SMAP1: variants seen among roughly 807,000 people sequenced by gnomAD.
The protein encoded by SMAP1 is stromal membrane-associated protein 1.
SMAP1 carries 24 observed loss-of-function variants against 58.5 expected under a neutral mutation model. That is an observed-to-expected ratio of 0.41 (90% CI 0.30 to 0.58). The LOEUF (loss-of-function observed/expected upper bound fraction) is 0.58, where lower values mean the gene tolerates loss of function less well. Among genes scored for constraint, SMAP1 ranks in the 20% least tolerant of loss-of-function variants. The probability of loss-of-function intolerance (pLI) is 0.29; values close to 1 mark genes in which losing one functional copy is unlikely to be tolerated. For missense variants in SMAP1, 563 were observed against 566.3 expected, an observed-to-expected ratio of 0.99 and a Z score of 0.06; for synonymous variants, 216 against 196.6, an observed-to-expected ratio of 1.10 and a Z score of -0.82.
At chr6:70,688,797 A>G (rs1277198546) in intron 1 of SMAP1, among the ~76,000 whole-genome samples, 2 of 112,290 alleles carry the variant, frequency 1.8e-5, no homozygotes, top group African/African-American at 6.7e-5. Context: ...GGTTCAATTT[A>G]TTAATTTTTT....
At chr6:70,776,448 G>A (rs1477186525) in intron 4 of SMAP1, among the ~76,000 whole-genome samples, 1 of 152,086 alleles carries the variant, frequency 6.6e-6, no homozygotes, top group South Asian at 2.1e-4. Flanking sequence ...CAAAGTGCTG[G>A]GATTACCGGT....
chr6:70,829,798 C>T (rs1195957174), intron 6 of SMAP1, among the ~76,000 whole-genome samples: 2 of 152,114 alleles, frequency 1.3e-5, no homozygotes, highest in Non-Finnish European at 2.9e-5. Context: ...AATTGTATAG[C>T]TTTCCTATTG....
At chr6:70,752,557 T>C (rs1171903550) in intron 2 of SMAP1, among the ~76,000 whole-genome samples, 1 of 152,172 alleles carries the variant, frequency 6.6e-6, no homozygotes, top group African/African-American at 2.4e-5. Flanking sequence ...TTTTATTATT[T>C]TTTTCCTGCT....
At position 70,676,979 on chromosome 6, in the gene SMAP1, G is replaced by T. The variant is rs867343935; in HGVS notation, c.118+8838G>T. Among the ~76,000 whole-genome samples the T allele has an allele frequency of 2.6e-5, 4 of 151,912 alleles. No homozygotes were observed. In the South Asian group the frequency reaches 8.3e-4, roughly 32 times the overall value. ...AAAAATTTTTTTGTTGGGTGTGGTG[G>T]GGAGGGGCCTTGCTATGTTGTTTGG... On this transcript the variant is annotated intron_variant, in intron 1 of 10. Transcript: ENST00000370455.
intron 1 of SMAP1, among the ~76,000 whole-genome samples, chr6:70,711,344 G>C (rs922829003): frequency 6.6e-6 from 1 of 152,048 alleles, no homozygotes; most frequent in Non-Finnish European, 1.5e-5. Context: ...TAATCTCATG[G>C]AACTGTTACT....
chr6:70,808,581 T>C (rs193253602), intron 6 of SMAP1, among the ~76,000 whole-genome samples: 10 of 152,314 alleles, frequency 6.6e-5, no homozygotes, highest in African/African-American at 2.4e-4. Context: ...CTTTTCTTTC[T>C]TTATTAAGTG....
At chr6:70,692,786 T>C (rs1767227793) in intron 1 of SMAP1, among the ~76,000 whole-genome samples, 1 of 152,130 alleles carries the variant, frequency 6.6e-6, no homozygotes, top group African/African-American at 2.4e-5. Context: ...TGTGTCTATT[T>C]TTTGTTGTTG....
At chr6:70,818,710 T>C (rs1769751839) in intron 6 of SMAP1, among the ~76,000 whole-genome samples, 1 of 152,036 alleles carries the variant, frequency 6.6e-6, no homozygotes, top group Non-Finnish European at 1.5e-5. Flanking sequence ...CCCTGTAGAG[T>C]GTTGGCATTC....
At chr6:70,765,002 A>C (rs1331631273) in intron 3 of SMAP1, among the ~76,000 whole-genome samples, 3 of 152,114 alleles carry the variant, frequency 2.0e-5, no homozygotes, top group Non-Finnish European at 2.9e-5. Context: ...GAATTTTGCC[A>C]TGTTGCCAGG....
intron 4 of SMAP1, among the ~76,000 whole-genome samples, chr6:70,790,523 A>G (rs1418620609): frequency 1.3e-5 from 2 of 152,106 alleles, no homozygotes; most frequent in African/African-American, 4.8e-5. Flanking sequence ...TTTTTATGGA[A>G]GATCTACATT....
At chr6:70,750,519 G>A (rs570908617) in intron 2 of SMAP1, among the ~76,000 whole-genome samples, 21 of 152,282 alleles carry the variant, frequency 1.4e-4, no homozygotes, top group African/African-American at 5.1e-4. Context: ...CTGTGATTGG[G>A]TAAAATGTTT....
intron 6 of SMAP1, among the ~76,000 whole-genome samples, chr6:70,811,762 C>T (rs139968277): frequency 1.3e-5 from 2 of 152,150 alleles, no homozygotes; most frequent in African/African-American, 4.8e-5. Context: ...AGTACCCTGT[C>T]ATGGCAAATT....
At chr6:70,781,092 A>T (rs1767744211) in intron 4 of SMAP1, among the ~76,000 whole-genome samples, 1 of 152,210 alleles carries the variant, frequency 6.6e-6, no homozygotes, top group African/African-American at 2.4e-5. Flanking sequence ...TCTTGGCTTG[A>T]GTTCTGTTTC....
At chr6:70,807,965 A>G (rs1290738625) in intron 6 of SMAP1, among the ~76,000 whole-genome samples, 1 of 151,030 alleles carries the variant, frequency 6.6e-6, no homozygotes, top group Non-Finnish European at 1.5e-5. Context: ...TATTAGATAT[A>G]TTCTTAATTA....
chr6:70,731,394 A>G (rs959107481), intron 1 of SMAP1, among the ~76,000 whole-genome samples: 1 of 152,204 alleles, frequency 6.6e-6, no homozygotes, highest in Non-Finnish European at 1.5e-5. Context: ...CTTTTTGACC[A>G]TGAACTGAAG....
At chr6:70,696,041 A>C (rs1414772309) in intron 1 of SMAP1, among the ~76,000 whole-genome samples, 1 of 152,136 alleles carries the variant, frequency 6.6e-6, no homozygotes. Flanking sequence ...CATTTCGTCT[A>C]GCTTTTCCAA....
intron 6 of SMAP1, among the ~76,000 whole-genome samples, chr6:70,830,538 C>T (rs1167019556): frequency 6.6e-6 from 1 of 152,148 alleles, no homozygotes; most frequent in Non-Finnish European, 1.5e-5. Flanking sequence ...TGGTATGCTA[C>T]AGAGCAAAAG....
Position 70,857,042 on chromosome 6 carries a change from T to C in SMAP1, c.961+12T>C. 12 of 1,590,486 alleles carry C rather than the reference T, an allele frequency of 7.5e-6. No homozygotes were observed. Among genetic ancestry groups the C allele is most frequent in the Non-Finnish European group, 1.0e-5 (12 of 1,168,068 alleles). The stretch of plus-strand genomic sequence containing the variant: ...GCAAAGTACTCCTGGTAATGAATTT[T>C]GATATCTGCTTTCAGTGACATTACT... On this transcript the variant is annotated intron_variant, in intron 9 of 10. Transcript: ENST00000370455.
chr6:70,776,913 C>T (rs1767570523), intron 4 of SMAP1, among the ~76,000 whole-genome samples: 1 of 152,134 alleles, frequency 6.6e-6, no homozygotes, highest in African/African-American at 2.4e-5. Flanking sequence ...TAGGTTAATT[C>T]TGTATCTTGG....
Sources: gnomAD v4.1 joint callset for allele counts (sites outside exome capture counted in the v4.1 genomes callset) on GRCh38, gnomAD v4.1.1 for gene constraint, MANE v1.5 for transcripts, NCBI Gene and HGNC (gene_info 2026-07-23, HGNC 2026-07-21) for gene names.